Variants in CDYL2 observed in about 807,000 individuals in gnomAD.
The protein encoded by CDYL2 is chromodomain Y-like protein 2.
A neutral mutation model predicts 49.4 loss-of-function variants in CDYL2; 23 were observed. That is an observed-to-expected ratio of 0.47 (90% CI 0.34 to 0.66). The LOEUF is 0.66. CDYL2 is among the 30% of genes least tolerant of loss of function. The pLI is 0.01. For missense variants in CDYL2, 678 were observed against 656.4 expected, an observed-to-expected ratio of 1.03 and a Z score of -0.36; for synonymous variants, 360 against 268.8, an observed-to-expected ratio of 1.34 and a Z score of -3.32.
At chr16:80,681,343 A>G (rs1180176934) in intron 2 of CDYL2, among the ~76,000 whole-genome samples, 8 of 152,098 alleles carry the variant, frequency 5.3e-5, no homozygotes, top group African/African-American at 1.9e-4. Flanking sequence ...AGATAAGGGA[A>G]GGTGAGGTTA....
chr16:80,651,527 G>A (rs945902236), intron 2 of CDYL2, among the ~76,000 whole-genome samples: 7 of 152,166 alleles, frequency 4.6e-5, no homozygotes, highest in South Asian at 2.1e-4. Flanking sequence ...GAGAATACTA[G>A]ACATTAAGCG....
chr16:80,753,871 T>C (rs1468489494), intron 1 of CDYL2, among the ~76,000 whole-genome samples: 2 of 152,228 alleles, frequency 1.3e-5, no homozygotes, highest in Admixed American at 6.5e-5. Flanking sequence ...AAGATATTTA[T>C]GATACATATT....
In CDYL2 at chr16:80,603,929, T is replaced by G; in HGVS notation, c.*459A>C. On this transcript the variant is annotated 3_prime_UTR_variant, in exon 7 of 7. Transcript: ENST00000570137. ...CAGGTGTGCACAATCATTTTGCTCA[T>G]TGGTCTGGAAATTCCCTAAGATTGG... The G allele has an allele frequency of 6.1e-6, 1 of 163,024 alleles. No individual in the cohort carries two copies. The highest frequency in any genetic ancestry group is 5.9e-5 in the Admixed American group (1 of 17,072). The allele number at this position is 163,024 out of a possible 1,614,324, so 10.1% of individuals were successfully genotyped here.
chr16:80,692,406 G>T (rs1910452768), intron 1 of CDYL2, among the ~76,000 whole-genome samples: 1 of 152,152 alleles, frequency 6.6e-6, no homozygotes, highest in South Asian at 2.1e-4. Flanking sequence ...TCCTTCAGAT[G>T]AGAACGGGGG....
Position 80,684,599 on chromosome 16 carries a change from A to C in CDYL2, c.555T>G (p.Val185=). ...HQPGLDLNDH[V]GEQDMGECDV... ...CACATTCACCCATATCTTGCTCTCC[A>C]ACATGATCATTCAAATCCAAGCCAG... is the stretch of plus-strand genomic sequence containing the variant. The change falls in exon 2 of 7, where the codon GTT becomes GTG. Residue 185 remains valine (V), a synonymous_variant. Transcript: ENST00000570137. 1 of 1,614,188 alleles carries C rather than the reference A, an allele frequency of 6.2e-7. No individual in the cohort carries two copies. The highest frequency in any genetic ancestry group is 8.5e-7 in the Non-Finnish European group (1 of 1,180,026).
chr16:80,660,626 C>T (rs1420458928), intron 2 of CDYL2, among the ~76,000 whole-genome samples: 1 of 152,110 alleles, frequency 6.6e-6, no homozygotes, highest in Non-Finnish European at 1.5e-5. Context: ...ATCCAAATAT[C>T]TCAATAATTA....
intron 2 of CDYL2, among the ~76,000 whole-genome samples, chr16:80,658,755 C>A (rs535305469): frequency 6.6e-6 from 1 of 152,274 alleles, no homozygotes; most frequent in South Asian, 2.1e-4. Flanking sequence ...GTAGATCCCA[C>A]ATGTTGGTTT....
In CDYL2 at chr16:80,647,108, A is replaced by G. The variant is rs556289788; in HGVS notation, c.617-13872T>C. Among the ~76,000 whole-genome samples, 3 of 152,336 alleles carry G rather than the reference A, an allele frequency of 2.0e-5. No homozygotes were observed. In the East Asian group the frequency reaches 5.8e-4, roughly 29 times the overall value. On this transcript the variant is annotated intron_variant, in intron 2 of 6. Coordinates refer to ENST00000570137, the MANE Select transcript of CDYL2 (RefSeq NM_152342.4). The stretch of plus-strand genomic sequence containing the variant: ...AAATTAAAAAGTTATCCCATTTACA[A>G]TAGCCACAAATAAAATTAAATACCT...
At chr16:80,700,244 T>A (rs1442228431) in intron 1 of CDYL2, among the ~76,000 whole-genome samples, 1 of 152,142 alleles carries the variant, frequency 6.6e-6, no homozygotes, top group Non-Finnish European at 1.5e-5. Flanking sequence ...AACAAAAATC[T>A]AAGAACATAT....
chr16:80,648,616 A>G (rs1428379126), intron 2 of CDYL2, among the ~76,000 whole-genome samples: 1 of 152,120 alleles, frequency 6.6e-6, no homozygotes, highest in African/African-American at 2.4e-5. Context: ...TAAAAAATAG[A>G]GAAGGAGGAA....
chr16:80,637,659 T>A (rs4889182), intron 2 of CDYL2, among the ~76,000 whole-genome samples: 2 of 136,270 alleles, frequency 1.5e-5, no homozygotes, highest in Middle Eastern at 3.7e-3. Context: ...TGATGTTTTT[T>A]AAAAAAATAC....
At chr16:80,634,538 G>C (rs111543033) in intron 2 of CDYL2, among the ~76,000 whole-genome samples, 8,931 of 152,120 alleles carry the variant, frequency 0.059, 796 homozygotes, top group African/African-American at 0.2. Context: ...GGAGAAATAT[G>C]TAATGTAAAT....
intron 2 of CDYL2, among the ~76,000 whole-genome samples, chr16:80,667,607 T>C (rs1909321370): frequency 6.6e-6 from 1 of 152,214 alleles, no homozygotes; most frequent in Admixed American, 6.5e-5. Context: ...TCCTGGTATA[T>C]GGCAGTCATT....
intron 1 of CDYL2, among the ~76,000 whole-genome samples, chr16:80,712,191 G>GTGTGTATA (rs1555532109): frequency 9.3e-6 from 1 of 107,934 alleles, no homozygotes; most frequent in Admixed American, 9.2e-5. Context: ...GTCTGTGTGT[G>GTGTGTATA]TATATATATA....
chr16:80,719,469 A>T (rs1365294087), intron 1 of CDYL2, among the ~76,000 whole-genome samples: 1 of 152,150 alleles, frequency 6.6e-6, no homozygotes, highest in Non-Finnish European at 1.5e-5. Flanking sequence ...AATTTTCTAC[A>T]TCATCATGGA....
chr16:80,768,841 G>A lies in CDYL2; in HGVS notation c.24+35309C>T, dbSNP rs531408007. On this transcript the variant is annotated intron_variant, in intron 1 of 6. Coordinates refer to ENST00000570137, the MANE Select transcript of CDYL2 (RefSeq NM_152342.4). ...TTTCAATGTTTCAGTCTTCATATTT[G>A]TAAAAGATGCTTTAGGATTAGAAGA... 2.6e-5 allele frequency among the ~76,000 whole-genome samples: 4 copies of A among 152,256 alleles called. No individual in the cohort carries two copies. In the South Asian group the frequency reaches 8.3e-4, roughly 32 times the overall value.
At chr16:80,685,238 G>T in intron 1 of CDYL2, 109 bp from the exon 2 acceptor site, 1 of 817,700 alleles carries the variant, frequency 1.2e-6, no homozygotes, top group Non-Finnish European at 1.9e-6. Context: ...ATCTACCCTA[G>T]CCAGGGGGTG....
intron 2 of CDYL2, among the ~76,000 whole-genome samples, chr16:80,657,388 A>G (rs1908856246): frequency 6.6e-6 from 1 of 152,248 alleles, no homozygotes; most frequent in South Asian, 2.1e-4. Flanking sequence ...CACAGATAAA[A>G]GGCTAATATC....
At chr16:80,761,857 G>C (rs1044308936) in intron 1 of CDYL2, among the ~76,000 whole-genome samples, 2 of 146,766 alleles carry the variant, frequency 1.4e-5, no homozygotes, top group Non-Finnish European at 3.0e-5. Flanking sequence ...ACATGTGAAT[G>C]TTCAATCTAA....
Sources: allele counts gnomAD v4.1 joint callset (sites outside exome capture counted in the v4.1 genomes callset), GRCh38; gene constraint gnomAD v4.1.1; transcripts MANE v1.5; gene names NCBI Gene and HGNC (gene_info 2026-07-23, HGNC 2026-07-21).